PIP4K2A: variants seen among roughly 807,000 people sequenced by gnomAD.
PIP4K2A encodes phosphatidylinositol-5-phosphate 4-kinase type 2 alpha, also known as phosphatidylinositol 5-phosphate 4-kinase type-2 alpha.
Under a neutral mutation model 42.9 loss-of-function variants are expected in PIP4K2A, and 14 were observed. That is an observed-to-expected ratio of 0.33 (90% confidence interval 0.22 to 0.51). PIP4K2A has a LOEUF of 0.51. Ranked by LOEUF, PIP4K2A falls within the 20% of genes least tolerant of loss-of-function variation. The pLI, the probability that PIP4K2A is intolerant of heterozygous loss-of-function variation, is 0.97. For synonymous variants in PIP4K2A, 192 were observed against 192.2 expected (o/e 1.00, Z 0.01); for missense variants, 434 against 519.8 (o/e 0.83, Z 1.61).
At chr10:22,578,465 G>A (rs1011324954) in intron 4 of PIP4K2A, among the ~76,000 whole-genome samples, 1 of 152,088 alleles carries the variant, frequency 6.6e-6, no homozygotes, top group African/African-American at 2.4e-5. Flanking sequence ...CTTGTCTGGG[G>A]CTTCCTCCCT....
intron 1 of PIP4K2A, among the ~76,000 whole-genome samples, chr10:22,652,766 C>T (rs1183899551): frequency 2.6e-5 from 4 of 152,168 alleles, no homozygotes; most frequent in East Asian, 1.9e-4. Context: ...CAACTGAAAA[C>T]GCTGCTCCTT....
chr10:22,670,438 T>C (rs1839427014), intron 1 of PIP4K2A, among the ~76,000 whole-genome samples: 1 of 152,174 alleles, frequency 6.6e-6, no homozygotes, highest in South Asian at 2.1e-4. Context: ...TTCTTCCATA[T>C]GCAAACAGCT....
At chr10:22,661,327 C>A (rs1839200510) in intron 1 of PIP4K2A, among the ~76,000 whole-genome samples, 1 of 148,230 alleles carries the variant, frequency 6.7e-6, no homozygotes, top group Non-Finnish European at 1.5e-5. Flanking sequence ...TAGTCTATAC[C>A]TATCTGTGAG....
chr10:22,611,087 C>T (rs1177943985), intron 1 of PIP4K2A, among the ~76,000 whole-genome samples: 1 of 152,096 alleles, frequency 6.6e-6, no homozygotes, highest in Non-Finnish European at 1.5e-5. Flanking sequence ...AATTAATGCA[C>T]GTTATAAATC....
At chr10:22,666,863 T>C (rs938389238) in intron 1 of PIP4K2A, among the ~76,000 whole-genome samples, 1 of 152,202 alleles carries the variant, frequency 6.6e-6, no homozygotes, top group Non-Finnish European at 1.5e-5. Context: ...AATATACCAA[T>C]ATAGCATCAG....
intron 7 of PIP4K2A, among the ~76,000 whole-genome samples, chr10:22,545,128 A>C (rs1259277668): frequency 6.6e-6 from 1 of 152,124 alleles, no homozygotes; most frequent in Non-Finnish European, 1.5e-5. Flanking sequence ...AGTGAATGGG[A>C]TGCTTGTTAC....
At chr10:22,547,322 T>TTTAACTTGTGTTTATGTCAGAGTAGTTA (rs1836281550) in intron 7 of PIP4K2A, among the ~76,000 whole-genome samples, 1 of 152,232 alleles carries the variant, frequency 6.6e-6, no homozygotes, top group Non-Finnish European at 1.5e-5. Context: ...CACAGGTATT[T>TTTAACTTGTGTTTATGTCAGAGTAGTTA]TTAACTTGTG....
intron 1 of PIP4K2A, among the ~76,000 whole-genome samples, chr10:22,696,914 A>T (rs1203024211): frequency 6.6e-6 from 1 of 152,204 alleles, no homozygotes; most frequent in Non-Finnish European, 1.5e-5. Context: ...TCCCAGGGCT[A>T]ATTTTAAAGC....
At chr10:22,672,047 C>G (rs1041605762) in intron 1 of PIP4K2A, among the ~76,000 whole-genome samples, 1 of 152,078 alleles carries the variant, frequency 6.6e-6, no homozygotes, top group Non-Finnish European at 1.5e-5. Context: ...ACAACAAAAA[C>G]AATATAAGGT....
At chr10:22,606,372 G>A (rs952454042) in intron 3 of PIP4K2A, among the ~76,000 whole-genome samples, 6 of 152,132 alleles carry the variant, frequency 3.9e-5, no homozygotes, top group African/African-American at 1.4e-4. Context: ...AATAGCAGAT[G>A]AGCAACCACA....
intron 1 of PIP4K2A, among the ~76,000 whole-genome samples, chr10:22,634,046 G>A (rs1838610045): frequency 6.6e-6 from 1 of 152,212 alleles, no homozygotes; most frequent in Admixed American, 6.5e-5. Flanking sequence ...AAAACAAAAT[G>A]TAGTTAAATC....
intron 1 of PIP4K2A, among the ~76,000 whole-genome samples, chr10:22,703,787 T>G (rs915303884): frequency 2.6e-5 from 4 of 152,168 alleles, no homozygotes; most frequent in African/African-American, 9.7e-5. Flanking sequence ...GCTACCACAG[T>G]GTTCCTGAGA....
chr10:22,669,632 C>T (rs993029080), intron 1 of PIP4K2A, among the ~76,000 whole-genome samples: 1 of 152,132 alleles, frequency 6.6e-6, no homozygotes, highest in Non-Finnish European at 1.5e-5. Flanking sequence ...GGGTTTATTG[C>T]GGGCGTGCCC....
intron 6 of PIP4K2A, among the ~76,000 whole-genome samples, chr10:22,554,665 G>A (rs1836490777): frequency 1.3e-5 from 2 of 152,246 alleles, no homozygotes; most frequent in Admixed American, 6.5e-5. Context: ...GCGGCGGGCC[G>A]AGTCTTTATT....
At chr10:22,602,973 G>A (rs2559522) in intron 3 of PIP4K2A, among the ~76,000 whole-genome samples, 123,095 of 152,190 alleles carry the variant, frequency 0.81, 50,618 homozygotes, top group East Asian at 0.9. Context: ...ATCTACAAGT[G>A]AAAGTTTCAG....
intron 6 of PIP4K2A, among the ~76,000 whole-genome samples, chr10:22,552,722 G>C (rs937791431): frequency 2.6e-5 from 4 of 152,180 alleles, no homozygotes; most frequent in Non-Finnish European, 5.9e-5. Context: ...ACAAAAACAG[G>C]AGAGATGGAG....
At chr10:22,576,926 T>C (rs1466285535) in intron 4 of PIP4K2A, among the ~76,000 whole-genome samples, 1 of 151,718 alleles carries the variant, frequency 6.6e-6, no homozygotes, top group African/African-American at 2.4e-5. Flanking sequence ...ATACAAAAAT[T>C]AGCCAGATGT....
intron 5 of PIP4K2A, among the ~76,000 whole-genome samples, chr10:22,572,295 C>T (rs1224535752): frequency 1.3e-5 from 2 of 152,168 alleles, no homozygotes; most frequent in Non-Finnish European, 2.9e-5. Context: ...CAAGGGGCAT[C>T]GTGGTATTCC....
intron 1 of PIP4K2A, among the ~76,000 whole-genome samples, chr10:22,692,341 T>C (rs1839889257): frequency 6.6e-6 from 1 of 152,084 alleles, no homozygotes; most frequent in Admixed American, 6.6e-5. Context: ...CGGCTGTAAA[T>C]ACAGATGAAG....
Sources: allele counts gnomAD v4.1 joint callset (sites outside exome capture counted in the v4.1 genomes callset), GRCh38; gene constraint gnomAD v4.1.1; transcripts MANE v1.5; gene names NCBI Gene and HGNC (gene_info 2026-07-23, HGNC 2026-07-21).